PRKN: variants seen among roughly 807,000 people sequenced by gnomAD.
PRKN encodes the protein E3 ubiquitin-protein ligase parkin.
PRKN carries 56 observed loss-of-function variants against 59.5 expected under a neutral mutation model. That is an observed-to-expected ratio of 0.94 (90% CI 0.76 to 1.18). PRKN has a LOEUF of 1.18. Ranked by LOEUF, PRKN falls within the 50% of genes most tolerant of loss-of-function variation. The probability of loss-of-function intolerance (pLI) is 0.00; values close to 1 mark genes in which losing one functional copy is unlikely to be tolerated. For synonymous variants in PRKN, 250 were observed against 222.1 expected (o/e 1.13, Z -1.12); for missense variants, 657 against 596.4 (o/e 1.10, Z -1.06).
chr6:162,434,101 T>C (rs1350194647), intron 2 of PRKN, among the ~76,000 whole-genome samples: 2 of 152,124 alleles, frequency 1.3e-5, no homozygotes, highest in Non-Finnish European at 2.9e-5. Flanking sequence ...TTCAATCCAA[T>C]GCAGTTTACA....
chr6:162,689,143 G>C (rs1340435700), intron 1 of PRKN, among the ~76,000 whole-genome samples: 1 of 152,206 alleles, frequency 6.6e-6, no homozygotes, highest in Non-Finnish European at 1.5e-5. Context: ...CTGTCGTACA[G>C]AGCACACTGC....
intron 1 of PRKN, among the ~76,000 whole-genome samples, chr6:162,622,292 T>G (rs997754658): frequency 2.4e-5 from 3 of 127,048 alleles, no homozygotes; most frequent in South Asian, 2.7e-4. Context: ...TCAAATTCTG[T>G]TTTTTTTTTT....
chr6:161,982,401 C>A (rs1034023322), intron 5 of PRKN, among the ~76,000 whole-genome samples: 12 of 110,814 alleles, frequency 1.1e-4, no homozygotes, highest in Admixed American at 1.9e-4. Context: ...TTGGAAAAAA[C>A]TACTTTAAAG....
chr6:162,057,710 A>C (rs1777923626), intron 4 of PRKN, among the ~76,000 whole-genome samples: 1 of 152,186 alleles, frequency 6.6e-6, no homozygotes, highest in Admixed American at 6.5e-5. Context: ...TAGCCATGCA[A>C]CTTCTGGAAC....
intron 4 of PRKN, among the ~76,000 whole-genome samples, chr6:162,118,837 A>G (rs1780785592): frequency 6.6e-6 from 1 of 152,224 alleles, no homozygotes; most frequent in South Asian, 2.1e-4. Flanking sequence ...TGGCCTTTGA[A>G]CACGAAGATG....
intron 6 of PRKN, among the ~76,000 whole-genome samples, chr6:161,870,898 T>C (rs1048625079): frequency 2.6e-5 from 4 of 152,078 alleles, no homozygotes; most frequent in African/African-American, 9.7e-5. Flanking sequence ...AATCATGGAA[T>C]AGTTCTTTTG....
chr6:162,328,584 C>T (rs955327864), intron 2 of PRKN, among the ~76,000 whole-genome samples: 3 of 152,174 alleles, frequency 2.0e-5, no homozygotes, highest in African/African-American at 4.8e-5. Context: ...AAATAAAGGG[C>T]CGTGCAGACG....
chr6:161,868,177 A>G (rs928582974), intron 6 of PRKN, among the ~76,000 whole-genome samples: 4 of 152,178 alleles, frequency 2.6e-5, no homozygotes, highest in African/African-American at 9.7e-5. Context: ...TACAACTGCT[A>G]TCTTCTCCCG....
intron 6 of PRKN, among the ~76,000 whole-genome samples, chr6:161,811,998 C>T (rs1333176343): frequency 6.6e-6 from 1 of 151,296 alleles, no homozygotes; most frequent in Non-Finnish European, 1.5e-5. Flanking sequence ...TCTTTGTAAC[C>T]TTGAGCAAGA....
chr6:162,609,333 A>T (rs1430027938), intron 1 of PRKN, among the ~76,000 whole-genome samples: 1 of 152,206 alleles, frequency 6.6e-6, no homozygotes, highest in Admixed American at 6.5e-5. Flanking sequence ...GTAACCCACG[A>T]AAGTGGGAAT....
In PRKN at chr6:162,363,140, A is replaced by C. The variant is rs1436299892; in HGVS notation, c.171+80170T>G. ...GAGACTCCTTCTCAAACAAAAAAAA[A>C]AAAAAAAAAAAAAAAAATTGTCTCC... On this transcript the variant is annotated intron_variant, in intron 2 of 11. Transcript: ENST00000366898. Among the ~76,000 whole-genome samples, 1,389 of 145,618 alleles carry C rather than the reference A, an allele frequency of 9.5e-3. 15 individuals carry two copies. The highest frequency in any genetic ancestry group is 0.04 in the Admixed American group (600 of 14,830).
At chr6:162,472,913 G>A (rs1791830112) in intron 1 of PRKN, among the ~76,000 whole-genome samples, 1 of 151,428 alleles carries the variant, frequency 6.6e-6, no homozygotes, top group Non-Finnish European at 1.5e-5. Flanking sequence ...ATTATAGCCA[G>A]CTACTCCAGA....
At chr6:161,913,566 G>C (rs1345645792) in intron 6 of PRKN, among the ~76,000 whole-genome samples, 2 of 152,174 alleles carry the variant, frequency 1.3e-5, no homozygotes, top group Non-Finnish European at 2.9e-5. Flanking sequence ...AACCAGAATG[G>C]AGGTGATGTG....
intron 1 of PRKN, among the ~76,000 whole-genome samples, chr6:162,688,339 T>C (rs1276993620): frequency 6.6e-6 from 1 of 152,210 alleles, no homozygotes; most frequent in Non-Finnish European, 1.5e-5. Flanking sequence ...GACTTAGAAA[T>C]ATTCTACATA....
chr6:161,348,300 G>T lies in PRKN; in HGVS notation c.*1799C>A, dbSNP rs1261294546. 2 of 204,630 alleles carry T rather than the reference G, an allele frequency of 9.8e-6. No individual in the cohort carries two copies. Among genetic ancestry groups the T allele is most frequent in the Non-Finnish European group, 2.0e-5 (2 of 99,948 alleles). 12.7% of individuals were successfully genotyped at this position (204,630 alleles called of 1,614,324 possible). A position where few individuals can be genotyped will look rare whatever the true frequency, so the allele number is the denominator to read the frequency against. Reference sequence around the variant, plus strand: ...TGGACACGAGCCACTGGGTGCAGGGGGCTCATGCCTGCCACCTCTCTTTTT... The same window carrying T: ...TGGACACGAGCCACTGGGTGCAGGGTGCTCATGCCTGCCACCTCTCTTTTT... On this transcript the variant is annotated 3_prime_UTR_variant, in exon 12 of 12. Transcript: ENST00000366898. The surrounding 1 kb of genome is among the most constrained non-coding windows in gnomAD (Gnocchi z 4.9).
At chr6:162,019,246 C>T (rs2128274417) in intron 5 of PRKN, among the ~76,000 whole-genome samples, 1 of 152,252 alleles carries the variant, frequency 6.6e-6, no homozygotes, top group South Asian at 2.1e-4. Flanking sequence ...AAATATCTTC[C>T]TCATTCACCT....
intron 5 of PRKN, among the ~76,000 whole-genome samples, chr6:162,001,805 T>C (rs1245436444): frequency 6.6e-6 from 1 of 151,238 alleles, no homozygotes; most frequent in Non-Finnish European, 1.5e-5. Context: ...ATATTCCTTA[T>C]CAAGTTTAGA....
At chr6:162,446,991 A>G (rs191131296) in intron 1 of PRKN, among the ~76,000 whole-genome samples, 118 of 152,306 alleles carry the variant, frequency 7.7e-4, no homozygotes, top group African/African-American at 2.7e-3. Context: ...ATTTTATGAC[A>G]AGTTACCTGG....
chr6:161,694,359 A>C (rs1785927448), intron 7 of PRKN, among the ~76,000 whole-genome samples: 1 of 152,222 alleles, frequency 6.6e-6, no homozygotes, highest in African/African-American at 2.4e-5. Flanking sequence ...TGCACTTCAC[A>C]TAATGTTGTC....
Sources: allele counts gnomAD v4.1 joint callset (sites outside exome capture counted in the v4.1 genomes callset), GRCh38; gene constraint gnomAD v4.1.1; non-coding constraint Gnocchi (gnomAD v3.1); transcripts MANE v1.5; gene names NCBI Gene and HGNC (gene_info 2026-07-23, HGNC 2026-07-21).